APLP2: variants seen among roughly 807,000 people sequenced by gnomAD.
The protein encoded by APLP2 is amyloid beta precursor like protein 2.
A neutral mutation model predicts 89.9 loss-of-function variants in APLP2; 53 were observed. The ratio of observed to expected loss-of-function variants is 0.59; its 90% CI spans 0.47 to 0.74. APLP2 has a LOEUF of 0.74. Ranked by LOEUF, APLP2 falls within the 30% of genes least tolerant of loss-of-function variation. APLP2 has a pLI of 0.00. For missense variants in APLP2, 973 were observed against 975.9 expected (o/e 1.00, Z 0.04); for synonymous variants, 372 against 348.6 (o/e 1.07, Z -0.75).
intron 1 of APLP2, among the ~76,000 whole-genome samples, chr11:130,089,912 C>T (rs1944659433): frequency 1.3e-5 from 2 of 152,342 alleles, no homozygotes; most frequent in African/African-American, 2.4e-5. Context: ...AGTATGACCT[C>T]CTCCCACTTA....
rs553962550 is a variant in APLP2, at chr11:130,083,026, C to CTTTTTTTTTTTTTT, written c.105+12958_105+12971dup. Among the ~76,000 whole-genome samples, 73 of 72,522 alleles carry CTTTTTTTTTTTTTT rather than the reference C, an allele frequency of 1.0e-3. 5 individuals are homozygous for CTTTTTTTTTTTTTT. Among genetic ancestry groups the CTTTTTTTTTTTTTT allele is most frequent in the African/African-American group, 2.6e-3 (42 of 15,894 alleles). 47.6% of individuals were successfully genotyped at this position (72,522 alleles called of 152,430 possible). ...TATTAACCACTGAAACTTTTCTTTT[C>CTTTTTTTTTTTTTT]TTTTTTTTTTTTTTTTTTTTTTTTT... is the stretch of plus-strand genomic sequence containing the variant. On this transcript the variant is annotated intron_variant, in intron 1 of 16. Transcript: ENST00000338167.
intron 1 of APLP2, among the ~76,000 whole-genome samples, chr11:130,088,344 A>G (rs201293106): frequency 6.6e-5 from 10 of 152,358 alleles, no homozygotes; most frequent in South Asian, 4.1e-4. Context: ...GAGTTTTCCA[A>G]TAAGTTAACT....
At chr11:130,126,593 T>C (rs865848436) in intron 7 of APLP2, 107 bp from the exon 8 acceptor site, 7 of 1,341,888 alleles carry the variant, frequency 5.2e-6, no homozygotes, top group South Asian at 2.5e-5. Context: ...ACTTAGAGAA[T>C]GCCACAAAAC....
At chr11:130,090,241 CTCTG>C (rs763308429) in intron 1 of APLP2, among the ~76,000 whole-genome samples, 97 of 143,018 alleles carry the variant, frequency 6.8e-4, no homozygotes, top group Non-Finnish European at 8.5e-4. Context: ...CTAGTTCTAG[CTCTG>C]TCTTTTTTTT....
intron 13 of APLP2, 83 bp downstream of exon 13, chr11:130,135,798 AT>A (rs2136096770): frequency 6.6e-7 from 1 of 1,522,074 alleles, no homozygotes; most frequent in Admixed American, 1.8e-5. Context: ...CGAAAACCAA[AT>A]TGAGTTGGGA....
chr11:130,125,181 C>G (rs897740649), intron 7 of APLP2, among the ~76,000 whole-genome samples: 5 of 152,184 alleles, frequency 3.3e-5, no homozygotes, highest in Non-Finnish European at 5.9e-5. Flanking sequence ...GATGTGCCGG[C>G]TTCATGAGTG....
intron 1 of APLP2, among the ~76,000 whole-genome samples, chr11:130,093,281 A>G (rs760663334): frequency 5.9e-5 from 9 of 152,212 alleles, no homozygotes; most frequent in African/African-American, 1.4e-4. Flanking sequence ...AGGATCACCA[A>G]AGACTTCAGG....
chr11:130,092,855 G>A (rs1219200768), intron 1 of APLP2, among the ~76,000 whole-genome samples: 2 of 151,988 alleles, frequency 1.3e-5, no homozygotes, highest in African/African-American at 4.8e-5. Context: ...GACTGAGCCA[G>A]CAAATCAGAA....
At chr11:130,118,501 A>G (rs886260156) in intron 3 of APLP2, among the ~76,000 whole-genome samples, 3 of 152,234 alleles carry the variant, frequency 2.0e-5, no homozygotes, top group African/African-American at 7.2e-5. Context: ...GAACCCTAGC[A>G]TTCAACCCTG....
chr11:130,072,453 T>C (rs1008915117), intron 1 of APLP2, among the ~76,000 whole-genome samples: 1 of 150,830 alleles, frequency 6.6e-6, no homozygotes, highest in South Asian at 2.1e-4. Flanking sequence ...AACCTTGGTG[T>C]GCTTCTGATA....
At chr11:130,142,644 C>T (rs773253717) in intron 16 of APLP2, among the ~76,000 whole-genome samples, 3 of 152,140 alleles carry the variant, frequency 2.0e-5, no homozygotes, top group South Asian at 2.1e-4. Context: ...GAGACAGTCT[C>T]GCTGTGTCGC....
intron 1 of APLP2, among the ~76,000 whole-genome samples, chr11:130,093,553 A>G (rs191479119): frequency 1.8e-4 from 27 of 152,328 alleles, no homozygotes; most frequent in South Asian, 6.2e-4. Flanking sequence ...TAGAAGGTCA[A>G]TCTAGGAGGT....
chr11:130,123,919 G>C lies in APLP2; in HGVS notation c.1090+140G>C. On this transcript the variant is annotated intron_variant, in intron 7 of 16. Coordinates refer to ENST00000338167, the MANE Select transcript of APLP2 (RefSeq NM_001142276.2). This position sits in a 1 kb window ranked among gnomAD's most constrained non-coding sequence, Gnocchi z 4.0. ...TGTCGGTCGTCTTCCCCTCATCTTT[G>C]TGCTTTCTAGATCTAGGCTTTGCTC... 1.1e-6 allele frequency: 1 copy of C among 915,804 alleles called. No individual in the cohort carries two copies. The highest frequency in any genetic ancestry group is 1.7e-6 in the Non-Finnish European group (1 of 600,404). The allele number at this position is 915,804 out of a possible 1,614,324, so 56.7% of individuals were successfully genotyped here. A position where few individuals can be genotyped will look rare whatever the true frequency, so the allele number is the denominator to read the frequency against.
intron 1 of APLP2, among the ~76,000 whole-genome samples, chr11:130,071,678 A>G (rs1378871788): frequency 2.0e-5 from 3 of 152,224 alleles, no homozygotes; most frequent in Non-Finnish European, 4.4e-5. Flanking sequence ...ATACTTGTGT[A>G]GCGGGAAAAA....
chr11:130,110,435 G>A, intron 2 of APLP2, 103 bp from the exon 3 acceptor site: 1 of 1,392,558 alleles, frequency 7.2e-7, no homozygotes, highest in Non-Finnish European at 9.9e-7. Context: ...ATGTATGTAG[G>A]ATAAGGGTGG....
At chr11:130,126,615 A>G (rs573292365) in intron 7 of APLP2, 85 bp from the exon 8 acceptor site, 10 of 1,522,780 alleles carry the variant, frequency 6.6e-6, no homozygotes, top group East Asian at 4.5e-5. Flanking sequence ...AATTGAGTCC[A>G]TCCTGCAGGT....
At chr11:130,111,638 G>C (rs193062842) in intron 3 of APLP2, among the ~76,000 whole-genome samples, 2 of 152,308 alleles carry the variant, frequency 1.3e-5, no homozygotes, top group East Asian at 3.9e-4. Context: ...ATGTGTGGCA[G>C]TTAACTTTCT....
At chr11:130,106,836 C>T (rs1245886123) in intron 1 of APLP2, among the ~76,000 whole-genome samples, 1 of 152,176 alleles carries the variant, frequency 6.6e-6, no homozygotes, top group African/African-American at 2.4e-5. Flanking sequence ...TTACCGGCAT[C>T]CGCCACCACG....
chr11:130,106,906 C>T (rs1409006916), intron 1 of APLP2, among the ~76,000 whole-genome samples: 1 of 150,118 alleles, frequency 6.7e-6, no homozygotes, highest in Non-Finnish European at 1.5e-5. Context: ...ACAGGCTGGT[C>T]TCGAACTCTC....
Sources: allele counts gnomAD v4.1 joint callset (sites outside exome capture counted in the v4.1 genomes callset), GRCh38; gene constraint gnomAD v4.1.1; non-coding constraint Gnocchi (gnomAD v3.1); transcripts MANE v1.5; gene names NCBI Gene and HGNC (gene_info 2026-07-23, HGNC 2026-07-21).